Variants in SWT1 observed in about 807,000 individuals in gnomAD.
SWT1 encodes SWT1 RNA endoribonuclease homolog.
In SWT1, 33 loss-of-function variants were observed where a neutral mutation model predicts 107.3. That is an observed-to-expected ratio of 0.31 (90% CI 0.23 to 0.41). The LOEUF (loss-of-function observed/expected upper bound fraction) is 0.41. SWT1 is among the 10% of genes least tolerant of loss of function. The probability of loss-of-function intolerance (pLI) is 1.00; values close to 1 mark genes in which losing one functional copy is unlikely to be tolerated. For synonymous variants in SWT1, 345 were observed against 348.3 expected (o/e 0.99, Z 0.11); for missense variants, 898 against 1,028.9 (o/e 0.87, Z 1.74).
At position 185,231,565 on chromosome 1, in the gene SWT1, T is replaced by C; in HGVS notation, c.2310-12T>C. On this transcript the variant is annotated splice_polypyrimidine_tract_variant and intron_variant, in intron 15 of 18. Coordinates refer to ENST00000367500, the MANE Select transcript of SWT1 (RefSeq NM_017673.7). ...TGTATACCTATGAGTATCTTTTTTT[T>C]CTCTATTTTAGCACGGATGTATTTC... 6.3e-7 allele frequency: 1 copy of C among 1,592,216 alleles called. No individual in the cohort carries two copies. Among genetic ancestry groups the C allele is most frequent in the Non-Finnish European group, 8.6e-7 (1 of 1,165,228 alleles).
intron 16 of SWT1, among the ~76,000 whole-genome samples, chr1:185,244,985 A>C (rs1056953533): frequency 1.3e-5 from 2 of 152,148 alleles, no homozygotes; most frequent in Non-Finnish European, 2.9e-5. Flanking sequence ...AGGCTGAGGC[A>C]GGAGGATTGC....
At chr1:185,170,506 C>T (rs1048494167) in intron 4 of SWT1, among the ~76,000 whole-genome samples, 4 of 152,282 alleles carry the variant, frequency 2.6e-5, no homozygotes, top group Non-Finnish European at 4.4e-5. Flanking sequence ...GTGACTTCTT[C>T]GTGCCCCCAT....
Position 185,166,561 on chromosome 1 carries a change from T to G in SWT1, c.85-11T>G. ...GCTTTTTAAAATTCATTTTCTTTAT[T>G]GCATTCTTAGGACAAGAAAGAGAGA... On this transcript the variant is annotated splice_polypyrimidine_tract_variant and intron_variant, in intron 2 of 18. Coordinates refer to ENST00000367500, the MANE Select transcript of SWT1 (RefSeq NM_017673.7). 1 of 1,551,846 alleles carries G rather than the reference T, an allele frequency of 6.4e-7. No individual in the cohort carries two copies. Among genetic ancestry groups the G allele is most frequent in the Non-Finnish European group, 8.8e-7 (1 of 1,132,486 alleles).
intron 18 of SWT1, among the ~76,000 whole-genome samples, chr1:185,278,590 T>C (rs1206234476): frequency 6.6e-6 from 1 of 152,194 alleles, no homozygotes. Context: ...CCACTACATA[T>C]TCCATTTTAG....
intron 11 of SWT1, among the ~76,000 whole-genome samples, chr1:185,203,738 A>C (rs1658079614): frequency 6.6e-6 from 1 of 152,188 alleles, no homozygotes; most frequent in Non-Finnish European, 1.5e-5. Flanking sequence ...ATTATTTATA[A>C]GTACATCCCA....
At position 185,290,578 on chromosome 1, in the gene SWT1, T is replaced by A. The variant is rs1378932708; in HGVS notation, c.2574-96T>A. On this transcript the variant is annotated intron_variant, in intron 18 of 18. Transcript: ENST00000367500. ...TGTTATACATAATATATATATATTT[T>A]TTATTTGTCAATTAAAATGTAAAAT... is the stretch of plus-strand genomic sequence containing the variant. 3 of 846,916 alleles carry A rather than the reference T, an allele frequency of 3.5e-6. No individual in the cohort carries two copies. In the African/African-American group the frequency reaches 5.2e-5, roughly 15 times the overall value. 52.5% of individuals were successfully genotyped at this position (846,916 alleles called of 1,614,324 possible).
chr1:185,201,559 G>C (rs544045506), intron 10 of SWT1, among the ~76,000 whole-genome samples: 1 of 152,250 alleles, frequency 6.6e-6, no homozygotes, highest in African/African-American at 2.4e-5. Context: ...CTCTGCTTCA[G>C]CTTGCCCTCT....
At chr1:185,265,367 G>A (rs1048869082) in intron 16 of SWT1, among the ~76,000 whole-genome samples, 2 of 151,986 alleles carry the variant, frequency 1.3e-5, no homozygotes, top group African/African-American at 4.8e-5. Flanking sequence ...TATAGAAAAC[G>A]TATAATTTTA....
chr1:185,235,036 C>G (rs2102584939), intron 16 of SWT1, among the ~76,000 whole-genome samples: 1 of 152,220 alleles, frequency 6.6e-6, no homozygotes, highest in African/African-American at 2.4e-5. Flanking sequence ...CCTGAATAGA[C>G]CAGTAACAAG....
At chr1:185,214,372 G>A in intron 13 of SWT1, 135 bp from the exon 14 acceptor site, 1 of 518,964 alleles carries the variant, frequency 1.9e-6, no homozygotes, top group Non-Finnish European at 3.3e-6. Flanking sequence ...GTACCAGAGG[G>A]ATAACTTAGG....
At chr1:185,190,760 C>A in intron 10 of SWT1, 118 bp downstream of exon 10, 1 of 587,454 alleles carries the variant, frequency 1.7e-6, no homozygotes, top group Non-Finnish European at 3.0e-6. Context: ...CCAAATCTGC[C>A]AGTAAGCATA....
chr1:185,275,774 A>G (rs980166869), intron 17 of SWT1, among the ~76,000 whole-genome samples: 10 of 152,180 alleles, frequency 6.6e-5, no homozygotes, highest in African/African-American at 2.2e-4. Context: ...GAAGAAAGTC[A>G]TGGAATTTTT....
At chr1:185,225,971 A>C (rs1166125977) in intron 15 of SWT1, among the ~76,000 whole-genome samples, 1 of 152,204 alleles carries the variant, frequency 6.6e-6, no homozygotes, top group Non-Finnish European at 1.5e-5. Flanking sequence ...GACTAACAAT[A>C]ATATTTACAA....
chr1:185,259,551 G>T (rs902340974), intron 16 of SWT1, among the ~76,000 whole-genome samples: 2 of 152,042 alleles, frequency 1.3e-5, no homozygotes, highest in African/African-American at 4.8e-5. Flanking sequence ...TTTATGTTGA[G>T]ATCAGTAACT....
chr1:185,209,748 G>A (rs914202001), intron 13 of SWT1, among the ~76,000 whole-genome samples: 6 of 152,184 alleles, frequency 3.9e-5, no homozygotes, highest in Non-Finnish European at 2.9e-5. Flanking sequence ...CCAGTAATGG[G>A]ATTGCTGGGT....
rs1255119939 is a variant in SWT1 at position 185,182,017 on chromosome 1, T to A, written c.1098T>A (p.Ser366Arg). Residue 366 changes from serine to arginine, a missense_variant, in exon 7 of 19, where the codon AGT becomes AGA. Around this residue, in one of 6 missense-constraint regions of SWT1, gnomAD observed 94 missense variants for 114.5 expected, o/e 0.82. Transcript: ENST00000367500. ...KSVDLPGELM[S>R]MEIDLEDDVH... Reference sequence around the variant, plus strand: ...TGGATTTACCTGGAGAGTTAATGAGTATGGAAATTGACTTAGAAGATGATG... The same window carrying A: ...TGGATTTACCTGGAGAGTTAATGAGAATGGAAATTGACTTAGAAGATGATG... The A allele has an allele frequency of 6.2e-7, 1 of 1,613,278 alleles. No homozygotes were observed. Among genetic ancestry groups the A allele is most frequent in the Non-Finnish European group, 8.5e-7 (1 of 1,179,450 alleles).
chr1:185,200,073 G>A (rs896149742), intron 10 of SWT1, among the ~76,000 whole-genome samples: 26 of 151,806 alleles, frequency 1.7e-4, no homozygotes, highest in Non-Finnish European at 2.2e-4. Context: ...CGAAGTTCTC[G>A]TGCTGTTTTT....
At chr1:185,248,985 T>C (rs185928470) in intron 16 of SWT1, among the ~76,000 whole-genome samples, 1 of 152,296 alleles carries the variant, frequency 6.6e-6, no homozygotes, top group East Asian at 1.9e-4. Context: ...CAATTATTTG[T>C]TTTTTGTAAT....
intron 16 of SWT1, among the ~76,000 whole-genome samples, chr1:185,235,630 G>A (rs1160240748): frequency 6.6e-6 from 1 of 151,556 alleles, no homozygotes; most frequent in Non-Finnish European, 1.5e-5. Flanking sequence ...AAAACTGAAA[G>A]CATTCCTGGC....
Sources: gnomAD v4.1 joint callset for allele counts (sites outside exome capture counted in the v4.1 genomes callset) on GRCh38, gnomAD v4.1.1 for gene constraint, gnomAD v4.1.1 regional missense constraint, MANE v1.5 for transcripts, NCBI Gene and HGNC (gene_info 2026-07-23, HGNC 2026-07-21) for gene names.